The following ARHGEF38 variants were observed in gnomAD, a reference collection of about 807,000 sequenced individuals.
ARHGEF38 encodes Rho guanine nucleotide exchange factor 38.
In ARHGEF38, 79 loss-of-function variants were observed where a neutral mutation model predicts 79.9. The ratio of observed to expected loss-of-function variants is 0.99; its 90% CI spans 0.82 to 1.19. The LOEUF (loss-of-function observed/expected upper bound fraction) is 1.19, where lower values mean the gene tolerates loss of function less well. Among genes scored for constraint, ARHGEF38 ranks in the 50% most tolerant of loss-of-function variants. The pLI is 0.00. For synonymous variants in ARHGEF38, 366 were observed against 328.3 expected, an observed-to-expected ratio of 1.11 and a Z score of -1.24; for missense variants, 962 against 907.2, an observed-to-expected ratio of 1.06 and a Z score of -0.78.
chr4:105,599,556 C>T (rs1280249434), intron 2 of ARHGEF38, among the ~76,000 whole-genome samples: 1 of 151,984 alleles, frequency 6.6e-6, no homozygotes, highest in Admixed American at 6.6e-5. Context: ...TTTTTTTGTG[C>T]ATGTGTAGAA....
chr4:105,594,651 T>TG (rs1157880298), intron 2 of ARHGEF38, among the ~76,000 whole-genome samples: 1 of 152,248 alleles, frequency 6.6e-6, no homozygotes, highest in East Asian at 1.9e-4. Context: ...CTGGCTTAAC[T>TG]GAGTCACCTT....
intron 1 of ARHGEF38, among the ~76,000 whole-genome samples, chr4:105,573,440 G>A (rs565404600): frequency 1.3e-5 from 2 of 152,154 alleles, no homozygotes; most frequent in South Asian, 4.1e-4. Flanking sequence ...TCATTCTTTT[G>A]CATGCAAATA....
intron 8 of ARHGEF38, among the ~76,000 whole-genome samples, chr4:105,654,741 GA>G (rs1463517250): frequency 6.6e-6 from 1 of 152,150 alleles, no homozygotes; most frequent in Admixed American, 6.5e-5. Context: ...ATGCTCGGTA[GA>G]AAAACCAGTC....
chr4:105,632,207 G>A (rs1447093), intron 4 of ARHGEF38, among the ~76,000 whole-genome samples: 11 of 152,012 alleles, frequency 7.2e-5, no homozygotes, highest in East Asian at 1.9e-4. Flanking sequence ...CTTTATTGCC[G>A]TCTACTGGTC....
chr4:105,648,408 C>A (rs1729945163), intron 6 of ARHGEF38, 141 bp from the exon 7 acceptor site: 2 of 641,068 alleles, frequency 3.1e-6, no homozygotes, highest in East Asian at 6.6e-5. Context: ...GGGGCTGGAG[C>A]ATATGGCCTC....
At chr4:105,589,487 A>G (rs765474555) in intron 2 of ARHGEF38, 52 bp downstream of exon 2, 12 of 1,495,590 alleles carry the variant, frequency 8.0e-6, no homozygotes, top group Admixed American at 2.0e-5. Context: ...AAATAGGATC[A>G]CTAGCACCAT....
rs1349903638 is a variant in ARHGEF38, at chr4:105,552,691, G to A, written c.-75G>A. 1.3e-5 allele frequency: 17 copies of A among 1,273,782 alleles called. No individual in the cohort carries two copies. The highest frequency in any genetic ancestry group is 1.9e-5 in the Non-Finnish European group (17 of 914,470). The allele number at this position is 1,273,782 out of a possible 1,614,324, so 78.9% of individuals were successfully genotyped here. A position where few individuals can be genotyped will look rare whatever the true frequency, so the allele number is the denominator to read the frequency against. ...AGCAGATAAACTCGTCACTCTAGTAGCTTTAACCCTCACCCTGAGGCACCT... is the reference window on the plus strand; with the variant it reads ...AGCAGATAAACTCGTCACTCTAGTAACTTTAACCCTCACCCTGAGGCACCT... On this transcript the variant is annotated 5_prime_UTR_variant, in exon 1 of 14. Coordinates refer to ENST00000420470, the MANE Select transcript of ARHGEF38 (RefSeq NM_001242729.2).
intron 3 of ARHGEF38, among the ~76,000 whole-genome samples, chr4:105,627,162 G>A (rs1728981429): frequency 6.6e-6 from 1 of 152,138 alleles, no homozygotes; most frequent in South Asian, 2.1e-4. Context: ...CAAAGTGTTT[G>A]GTGCATGATG....
downstream of ARHGEF38, chr4:105,682,421 T>G (rs1731343647): frequency 4.4e-6 from 1 of 228,770 alleles, no homozygotes; most frequent in South Asian, 7.2e-5. Flanking sequence ...CTTGGGGCTT[T>G]GCTAGAAGAT....
intron 3 of ARHGEF38, among the ~76,000 whole-genome samples, chr4:105,623,676 T>G (rs1728829845): frequency 6.6e-6 from 1 of 152,212 alleles, no homozygotes; most frequent in African/African-American, 2.4e-5. Flanking sequence ...AGCTGTATTT[T>G]TAAATGTTAG....
chr4:105,619,723 A>G (rs1578318651), intron 3 of ARHGEF38, among the ~76,000 whole-genome samples: 1 of 152,214 alleles, frequency 6.6e-6, no homozygotes, highest in Non-Finnish European at 1.5e-5. Flanking sequence ...AAAGGATAGC[A>G]GCAGCCCTAT....
chr4:105,588,803 C>T (rs941859515), intron 1 of ARHGEF38, among the ~76,000 whole-genome samples: 4 of 151,998 alleles, frequency 2.6e-5, no homozygotes, highest in African/African-American at 7.3e-5. Context: ...TGGATATTAC[C>T]CACTGAGAAT....
In ARHGEF38 at chr4:105,677,762, C is replaced by A; in HGVS notation, c.2159C>A (p.Ala720Glu). The change falls in exon 14 of 14, where the codon GCA becomes GAA. Residue 720 changes from alanine (A) to glutamate (E), a missense_variant. Physicochemically the swap from Ala to Glu is moderately radical, Grantham distance 107. Coordinates refer to ENST00000420470, the MANE Select transcript of ARHGEF38 (RefSeq NM_001242729.2). ...TGTTTCTTTGTCTAGATTTTCTATG[C>A]AGTTCATGCTTTTCAAGCACGGAGT... ...FQEVDEQIFY[A>E]VHAFQARSDH... 1 of 1,464,976 alleles carries A rather than the reference C, an allele frequency of 6.8e-7. No individual in the cohort carries two copies. Among genetic ancestry groups the A allele is most frequent in the Non-Finnish European group, 9.1e-7 (1 of 1,103,142 alleles). 90.7% of individuals were successfully genotyped at this position (1,464,976 alleles called of 1,614,324 possible).
intron 4 of ARHGEF38, chr4:105,631,604 G>T (rs1443715320): frequency 2.0e-6 from 2 of 985,188 alleles, no homozygotes; most frequent in Non-Finnish European, 2.4e-6. Context: ...TTCTTTTCTA[G>T]AGGAAGTATC....
In ARHGEF38 at chr4:105,589,299, AG is replaced by A. The variant is rs1450914278; in HGVS notation, c.250del (p.Glu84LysfsTer5). The A allele has an allele frequency of 4.3e-6, 7 of 1,613,996 alleles. No individual in the cohort carries two copies. The highest frequency in any genetic ancestry group is 5.9e-6 in the Non-Finnish European group (7 of 1,180,012). On this transcript the variant is annotated frameshift_variant, in exon 2 of 14. Transcript: ENST00000420470. LOFTEE classifies it high-confidence loss of function. ...TCTGTAGCTGAGACCTTAACCCCAG[AG>A]GAAGAGCATCATATGAAGAGGATGA... ...ECSVAETLTP[E>X]EEHHMKRMMA...
intron 7 of ARHGEF38, among the ~76,000 whole-genome samples, chr4:105,653,779 C>A (rs1730209370): frequency 6.6e-6 from 1 of 152,068 alleles, no homozygotes; most frequent in Admixed American, 6.6e-5. Flanking sequence ...TTAAAAACTA[C>A]AGAGAAAGTT....
At chr4:105,586,300 T>C (rs1237914590) in intron 1 of ARHGEF38, among the ~76,000 whole-genome samples, 2 of 147,674 alleles carry the variant, frequency 1.4e-5, no homozygotes, top group East Asian at 3.8e-4. Context: ...TTTTTGTTCC[T>C]ACAATAAACT....
chr4:105,631,101 A>T, intron 4 of ARHGEF38, 56 bp downstream of exon 4: 1 of 1,550,152 alleles, frequency 6.5e-7, no homozygotes, highest in South Asian at 1.3e-5. Flanking sequence ...AGCAGGGAAC[A>T]TTTTAAATGG....
chr4:105,596,746 G>C (rs1456006043), intron 2 of ARHGEF38, among the ~76,000 whole-genome samples: 1 of 152,134 alleles, frequency 6.6e-6, no homozygotes, highest in Admixed American at 6.5e-5. Flanking sequence ...AGCACGTCAT[G>C]GGAATCTTCC....
Sources: allele counts gnomAD v4.1 joint callset (sites outside exome capture counted in the v4.1 genomes callset), GRCh38; gene constraint gnomAD v4.1.1; transcripts MANE v1.5; gene names NCBI Gene and HGNC (gene_info 2026-07-23, HGNC 2026-07-21).